The following CNTNAP5 variants were observed in gnomAD, a reference collection of about 807,000 sequenced individuals.
CNTNAP5 encodes contactin-associated protein-like 5.
A neutral mutation model predicts 150.2 loss-of-function variants in CNTNAP5; 72 were observed. That is an observed-to-expected ratio of 0.48 (90% CI 0.40 to 0.58). The LOEUF (loss-of-function observed/expected upper bound fraction) is 0.58. CNTNAP5 is among the 20% of genes least tolerant of loss of function. CNTNAP5 has a pLI of 0.00. For missense variants in CNTNAP5, 1,636 were observed against 1,626.2 expected (o/e 1.01, Z -0.10); for synonymous variants, 672 against 619.8 (o/e 1.08, Z -1.25).
In CNTNAP5 at chr2:124,087,958, C is replaced by T. The variant is rs567216527; in HGVS notation, c.82+62226C>T. 4.6e-5 allele frequency among the ~76,000 whole-genome samples: 7 copies of T among 152,170 alleles called. No homozygotes were observed. In the East Asian group the frequency reaches 1.2e-3, roughly 25 times the overall value. On this transcript the variant is annotated intron_variant, in intron 1 of 23. Coordinates refer to ENST00000682447, the MANE Select transcript of CNTNAP5 (RefSeq NM_001367498.1). Reference sequence around the variant, plus strand: ...TTGGGGTCGATCCTATCTTTGGTTTCCTCAGCTCCTTGAATCTGCAGGTTT... The same window carrying T: ...TTGGGGTCGATCCTATCTTTGGTTTTCTCAGCTCCTTGAATCTGCAGGTTT...
intron 7 of CNTNAP5, among the ~76,000 whole-genome samples, chr2:124,487,803 C>T (rs1693923384): frequency 6.6e-6 from 1 of 151,338 alleles, no homozygotes; most frequent in Admixed American, 6.6e-5. Context: ...GCTTTTTTTT[C>T]CCCCATGTTT....
At position 124,865,453 on chromosome 2, in the gene CNTNAP5, C is replaced by A. The variant is rs1402676198; in HGVS notation, c.3348+17C>A. 1.3e-6 allele frequency: 2 copies of A among 1,550,746 alleles called. No individual in the cohort carries two copies. Among genetic ancestry groups the A allele is most frequent in the Non-Finnish European group, 1.7e-6 (2 of 1,146,454 alleles). On this transcript the variant is annotated intron_variant, in intron 20 of 23. Transcript: ENST00000682447. ...ACCATTCAGGTACCTTCCTTACTTT[C>A]TCCTGCTTCAGCCAATGTGCCTTGG... is the stretch of plus-strand genomic sequence containing the variant.
chr2:124,073,518 G>T (rs903129085), intron 1 of CNTNAP5, among the ~76,000 whole-genome samples: 1 of 151,612 alleles, frequency 6.6e-6, no homozygotes, highest in East Asian at 1.9e-4. Context: ...CCATAGGAAA[G>T]ATTGACTGAG....
chr2:124,786,475 GGAAGGAA>G, intron 17 of CNTNAP5, among the ~76,000 whole-genome samples: 2 of 121,554 alleles, frequency 1.6e-5, no homozygotes, highest in African/African-American at 7.5e-5. Flanking sequence ...AAGGAAGGAA[GGAAGGAA>G]GGAGGGAAGG....
intron 10 of CNTNAP5, among the ~76,000 whole-genome samples, chr2:124,556,602 T>C (rs1573456494): frequency 1.3e-5 from 2 of 152,098 alleles, no homozygotes; most frequent in Admixed American, 1.3e-4. Context: ...TAGCTGAAAA[T>C]TGTAGTTATT....
At chr2:124,051,883 T>A (rs61605355) in intron 1 of CNTNAP5, among the ~76,000 whole-genome samples, 12,654 of 152,176 alleles carry the variant, frequency 0.083, 675 homozygotes, top group African/African-American at 0.15. Flanking sequence ...GAACAAGGTG[T>A]CTCAAACTAT....
rs936387905 is a variant in CNTNAP5, at chr2:124,463,688, G to A, written c.919-11051G>A. On this transcript the variant is annotated intron_variant, in intron 6 of 23. Transcript: ENST00000682447. ...CAGGTTTCCCAGAATGGAGAGAGCC[G>A]TAAGGATGTGGAACATTTAGTTTTA... Among the ~76,000 whole-genome samples, 11 of 152,180 alleles carry A rather than the reference G, an allele frequency of 7.2e-5. 1 individual carries two copies. The highest frequency in any genetic ancestry group is 1.2e-4 in the Non-Finnish European group (8 of 68,030).
intron 19 of CNTNAP5, among the ~76,000 whole-genome samples, chr2:124,839,587 A>T (rs963272082): frequency 1.3e-5 from 2 of 151,958 alleles, no homozygotes; most frequent in Admixed American, 6.6e-5. Flanking sequence ...ACCCTGGGGC[A>T]TCCCTTCATT....
At chr2:124,792,225 C>T (rs1039576452) in intron 18 of CNTNAP5, among the ~76,000 whole-genome samples, 13 of 151,986 alleles carry the variant, frequency 8.6e-5, no homozygotes, top group African/African-American at 2.7e-4. Flanking sequence ...GCGATTTTTC[C>T]GTTTCTCATA....
chr2:124,053,981 G>A (rs1234708181), intron 1 of CNTNAP5, among the ~76,000 whole-genome samples: 1 of 152,174 alleles, frequency 6.6e-6, no homozygotes, highest in Non-Finnish European at 1.5e-5. Context: ...GAATTGGAAT[G>A]AAACAAAGTG....
intron 10 of CNTNAP5, among the ~76,000 whole-genome samples, chr2:124,537,312 A>G (rs1262972046): frequency 1.3e-5 from 2 of 152,166 alleles, no homozygotes; most frequent in Admixed American, 6.5e-5. Context: ...GTGAAGTGGA[A>G]AATGATGCAT....
At chr2:124,588,025 G>T (rs868591641) in intron 11 of CNTNAP5, among the ~76,000 whole-genome samples, 4 of 151,892 alleles carry the variant, frequency 2.6e-5, no homozygotes, top group African/African-American at 9.7e-5. Flanking sequence ...AAAAATCTCA[G>T]GCCTGTCACG....
At chr2:124,785,083 A>C (rs563607031) in intron 17 of CNTNAP5, among the ~76,000 whole-genome samples, 1 of 152,000 alleles carries the variant, frequency 6.6e-6, no homozygotes, top group East Asian at 1.9e-4. Context: ...AAGAAAAAAA[A>C]CCCTTAAGCA....
chr2:124,150,038 A>G (rs188140009), intron 1 of CNTNAP5, among the ~76,000 whole-genome samples: 96 of 152,326 alleles, frequency 6.3e-4, no homozygotes, highest in Non-Finnish European at 7.9e-4. Context: ...ATCTGGAACA[A>G]TGGTGAAGTG....
intron 5 of CNTNAP5, among the ~76,000 whole-genome samples, chr2:124,444,684 A>G (rs539094462): frequency 9.6e-4 from 146 of 152,318 alleles, no homozygotes; most frequent in African/African-American, 3.4e-3. Context: ...TTTCTTAAAA[A>G]AGGTGTAAAC....
At chr2:124,101,570 G>A (rs1288833204) in intron 1 of CNTNAP5, among the ~76,000 whole-genome samples, 1 of 152,178 alleles carries the variant, frequency 6.6e-6, no homozygotes, top group Non-Finnish European at 1.5e-5. Context: ...CATCCATGGA[G>A]ACCTCCTTTT....
chr2:124,314,787 A>G (rs1362427296), intron 3 of CNTNAP5, among the ~76,000 whole-genome samples: 1 of 152,190 alleles, frequency 6.6e-6, no homozygotes, highest in Admixed American at 6.5e-5. Context: ...CCACTCCTGC[A>G]TATCCTACTT....
At chr2:124,067,028 G>T (rs933681710) in intron 1 of CNTNAP5, among the ~76,000 whole-genome samples, 1 of 152,100 alleles carries the variant, frequency 6.6e-6, no homozygotes, top group Non-Finnish European at 1.5e-5. Context: ...TCTTTGTTTA[G>T]ACTACAAGTA....
chr2:124,847,682 T>C (rs554863873), intron 19 of CNTNAP5, among the ~76,000 whole-genome samples: 1 of 152,252 alleles, frequency 6.6e-6, no homozygotes, highest in East Asian at 1.9e-4. Flanking sequence ...GAGCAAAAGT[T>C]TACGACGTGA....
Sources: allele counts gnomAD v4.1 joint callset (sites outside exome capture counted in the v4.1 genomes callset), GRCh38; gene constraint gnomAD v4.1.1; transcripts MANE v1.5; gene names NCBI Gene and HGNC (gene_info 2026-07-23, HGNC 2026-07-21).